The following NUDCD1 variants were observed in gnomAD, a reference collection of about 807,000 sequenced individuals.
NUDCD1 encodes nudC domain-containing protein 1.
Under a neutral mutation model 67.8 loss-of-function variants are expected in NUDCD1, and 60 were observed. The ratio of observed to expected loss-of-function variants is 0.88; its 90% CI spans 0.72 to 1.10. The LOEUF is 1.10. Ranked by LOEUF, NUDCD1 falls within the 50% of genes least tolerant of loss-of-function variation. The pLI is 0.00. For missense variants in NUDCD1, 643 were observed against 695.0 expected, an observed-to-expected ratio of 0.93 and a Z score of 0.84; for synonymous variants, 244 against 230.8, an observed-to-expected ratio of 1.06 and a Z score of -0.52.
chr8:109,316,627 C>T (rs940199420), intron 2 of NUDCD1: 1 of 152,174 alleles, frequency 6.6e-6, no homozygotes, highest in Admixed American at 6.5e-5. Context: ...CCTGCCTGCA[C>T]CTGACAGAAA....
intron 2 of NUDCD1, among the ~76,000 whole-genome samples, chr8:109,306,037 CA>C (rs1289738084): frequency 6.6e-6 from 1 of 152,164 alleles, no homozygotes; most frequent in African/African-American, 2.4e-5. Context: ...CAGTCACTCT[CA>C]CTACTTGGAC....
chr8:109,287,980 T>C (rs1228187375), intron 5 of NUDCD1, among the ~76,000 whole-genome samples: 1 of 152,154 alleles, frequency 6.6e-6, no homozygotes, highest in East Asian at 1.9e-4. Flanking sequence ...TTTAAAAACA[T>C]GTTATTAAAA....
chr8:109,283,748 T>C (rs1814508906), intron 5 of NUDCD1, among the ~76,000 whole-genome samples: 1 of 152,088 alleles, frequency 6.6e-6, no homozygotes, highest in Non-Finnish European at 1.5e-5. Context: ...CAGTTACCAC[T>C]ATACCAGCCT....
At chr8:109,292,801 G>A (rs1814738567) in intron 4 of NUDCD1, among the ~76,000 whole-genome samples, 1 of 152,042 alleles carries the variant, frequency 6.6e-6, no homozygotes, top group Non-Finnish European at 1.5e-5. Flanking sequence ...GCTTCAAACA[G>A]ACCAAAGTTC....
At chr8:109,280,181 A>C (rs548970021) in intron 6 of NUDCD1, among the ~76,000 whole-genome samples, 1 of 152,368 alleles carries the variant, frequency 6.6e-6, no homozygotes, top group African/African-American at 2.4e-5. Flanking sequence ...TGCAGTTGAT[A>C]GAATAAAATA....
chr8:109,331,617 G>A (rs1016839561), intron 1 of NUDCD1, among the ~76,000 whole-genome samples: 4 of 152,030 alleles, frequency 2.6e-5, no homozygotes, highest in East Asian at 3.9e-4. Flanking sequence ...AAATGAGTAC[G>A]GAACAAGGAC....
intron 1 of NUDCD1, chr8:109,329,895 T>C: frequency 1.3e-6 from 2 of 1,542,066 alleles, no homozygotes; most frequent in Non-Finnish European, 1.8e-6. Context: ...AAAGAAAACA[T>C]ACTGGATGCT....
intron 8 of NUDCD1, among the ~76,000 whole-genome samples, chr8:109,251,676 A>C (rs1442112020): frequency 6.6e-6 from 1 of 152,036 alleles, no homozygotes; most frequent in Non-Finnish European, 1.5e-5. Flanking sequence ...CTGGCTAGAG[A>C]CTTACCAATC....
chr8:109,305,548 A>T (rs1421664400), intron 2 of NUDCD1, among the ~76,000 whole-genome samples: 1 of 152,150 alleles, frequency 6.6e-6, no homozygotes, highest in Non-Finnish European at 1.5e-5. Context: ...TGCCCTTCTC[A>T]AAATTAGAGC....
chr8:109,243,443 C>A (rs578114291), intron 9 of NUDCD1, 142 bp from the exon 10 acceptor site: 50 of 579,048 alleles, frequency 8.6e-5, no homozygotes, highest in South Asian at 4.0e-4. Context: ...GTATATAATT[C>A]TGAATCATTA....
intron 8 of NUDCD1, among the ~76,000 whole-genome samples, chr8:109,250,586 G>C (rs1813600350): frequency 6.6e-6 from 1 of 152,162 alleles, no homozygotes; most frequent in East Asian, 1.9e-4. Flanking sequence ...GAAGCCTTCA[G>C]TCTTTTACCA....
At chr8:109,254,105 G>A (rs2980601) in intron 8 of NUDCD1, among the ~76,000 whole-genome samples, 61,686 of 152,030 alleles carry the variant, frequency 0.41, 12,786 homozygotes, top group South Asian at 0.5. Context: ...ATAAGAAAGA[G>A]AAGGACTGTG....
At chr8:109,332,474 A>G (rs933272021) in intron 1 of NUDCD1, among the ~76,000 whole-genome samples, 4 of 152,216 alleles carry the variant, frequency 2.6e-5, no homozygotes, top group African/African-American at 9.7e-5. Context: ...AGTCAAGAGG[A>G]GACCATGTGA....
At chr8:109,283,982 G>C (rs1296959003) in intron 5 of NUDCD1, among the ~76,000 whole-genome samples, 1 of 130,004 alleles carries the variant, frequency 7.7e-6, no homozygotes, top group Admixed American at 8.2e-5. Context: ...AGAGTAGAAA[G>C]CTGGATTAAA....
In NUDCD1 at chr8:109,333,937, A is replaced by G; in HGVS notation, c.74T>C (p.Leu25Pro). 2 of 1,614,150 alleles carry G rather than the reference A, an allele frequency of 1.2e-6. No individual in the cohort carries two copies. Residue 25 changes from leucine (L) to proline (P), a missense_variant, in exon 1 of 10, where the codon CTC becomes CCC. Transcript: ENST00000239690. ...GTAACAAGGCAGCGGCTCAAGAGAG[A>G]GCTTGTAACCCTCGAAGCGGGGATC... The part of the protein sequence containing the change: ...LLDPRFEGYK[L>P]SLEPLPCYQL...
intron 8 of NUDCD1, among the ~76,000 whole-genome samples, chr8:109,264,429 T>C (rs1201218327): frequency 6.6e-6 from 1 of 152,164 alleles, no homozygotes; most frequent in Non-Finnish European, 1.5e-5. Context: ...TATTAACAAA[T>C]GCTTATGTGT....
chr8:109,247,580 T>C (rs1813527934), intron 8 of NUDCD1, among the ~76,000 whole-genome samples: 1 of 152,218 alleles, frequency 6.6e-6, no homozygotes, highest in African/African-American at 2.4e-5. Context: ...CATATTTCCA[T>C]TATGGCGACT....
At chr8:109,267,008 A>AT (rs1175821649) in intron 8 of NUDCD1, among the ~76,000 whole-genome samples, 1 of 152,170 alleles carries the variant, frequency 6.6e-6, no homozygotes, top group African/African-American at 2.4e-5. Context: ...ATGTAAGGTA[A>AT]TTTCAAATTT....
Position 109,280,998 on chromosome 8 carries a change from C to G in NUDCD1, c.998G>C (p.Ser333Thr). ...ACTCTCTTTAATTATCCATGTACTG[C>G]TTTCATGATCAATAGATGAATAGAG... The part of the protein sequence containing the change: ...GKLYSSIDHE[S>T]STWIIKESNS... The change falls in exon 6 of 10, where the codon AGC becomes ACC. Residue 333 changes from serine (S) to threonine (T), a missense_variant. Coordinates refer to ENST00000239690, the MANE Select transcript of NUDCD1 (RefSeq NM_032869.4). The G allele has an allele frequency of 6.2e-7, 1 of 1,602,458 alleles. No individual in the cohort carries two copies. Among genetic ancestry groups the G allele is most frequent in the Non-Finnish European group, 8.5e-7 (1 of 1,170,146 alleles).
Sources: gnomAD v4.1 joint callset for allele counts (sites outside exome capture counted in the v4.1 genomes callset) on GRCh38, gnomAD v4.1.1 for gene constraint, MANE v1.5 for transcripts, NCBI Gene and HGNC (gene_info 2026-07-23, HGNC 2026-07-21) for gene names.